Variants in ZNF536 observed in about 807,000 individuals in gnomAD.
ZNF536 encodes zinc finger protein 536.
In ZNF536, 13 loss-of-function variants were observed where a neutral mutation model predicts 84.5. The ratio of observed to expected loss-of-function variants is 0.15; its 90% confidence interval spans 0.10 to 0.24. The LOEUF (loss-of-function observed/expected upper bound fraction) is 0.24. Among genes scored for constraint, ZNF536 ranks in the 10% least tolerant of loss-of-function variants. The pLI is 1.00. For synonymous variants in ZNF536, 811 were observed against 742.5 expected (o/e 1.09, Z -1.50); for missense variants, 1,536 against 1,747.5 (o/e 0.88, Z 2.16).
intron 1 of ZNF536, among the ~76,000 whole-genome samples, chr19:30,406,098 C>T (rs2050252295): frequency 6.6e-6 from 1 of 152,210 alleles, no homozygotes. Context: ...CTTATCAGAC[C>T]TGAAGGATCT....
intron 1 of ZNF536, among the ~76,000 whole-genome samples, chr19:30,679,368 G>A (rs2050878723): frequency 2.0e-5 from 3 of 152,350 alleles, no homozygotes; most frequent in East Asian, 3.9e-4. Flanking sequence ...GAAAGGAGAC[G>A]CGGCAGCTGA....
chr19:30,602,511 T>C (rs567406245), intron 1 of ZNF536, among the ~76,000 whole-genome samples: 2 of 152,326 alleles, frequency 1.3e-5, no homozygotes, highest in South Asian at 4.1e-4. Flanking sequence ...AAGTCATAAC[T>C]GGATGGGTAA....
At chr19:30,261,062 G>A (rs2025183884) in intron 1 of ZNF536, among the ~76,000 whole-genome samples, 1 of 152,096 alleles carries the variant, frequency 6.6e-6, no homozygotes, top group South Asian at 2.1e-4. Flanking sequence ...ACTTTGGGAG[G>A]CCGAGGCGGG....
At chr19:30,478,647 AG>A (rs2053950419) in intron 2 of ZNF536, among the ~76,000 whole-genome samples, 1 of 152,246 alleles carries the variant, frequency 6.6e-6, no homozygotes, top group Admixed American at 6.5e-5. Flanking sequence ...AAACAACAGC[AG>A]AGCACATAGC....
chr19:30,694,519 T>C (rs907008598), intron 1 of ZNF536, among the ~76,000 whole-genome samples: 1 of 152,060 alleles, frequency 6.6e-6, no homozygotes, highest in Non-Finnish European at 1.5e-5. Flanking sequence ...GCCTGGGAAG[T>C]AAATGGGTGC....
chr19:30,595,968 A>G (rs1220350882), intron 1 of ZNF536, among the ~76,000 whole-genome samples: 5 of 152,160 alleles, frequency 3.3e-5, no homozygotes, highest in Non-Finnish European at 5.9e-5. Flanking sequence ...CCCCACTTCT[A>G]TAGGACCCAG....
At chr19:30,234,776 C>CGT (rs1167136680) in intron 1 of ZNF536, among the ~76,000 whole-genome samples, 2 of 151,726 alleles carry the variant, frequency 1.3e-5, no homozygotes, top group African/African-American at 2.4e-5. Context: ...CACACACACG[C>CGT]GCACACGCAC....
chr19:30,320,565 G>A (rs2046820016), intron 2 of ZNF536, among the ~76,000 whole-genome samples: 1 of 152,168 alleles, frequency 6.6e-6, no homozygotes, highest in Non-Finnish European at 1.5e-5. Flanking sequence ...CTGGGGTGGA[G>A]CAGAGGGGCA....
chr19:30,322,364 G>T (rs570832994), intron 2 of ZNF536, among the ~76,000 whole-genome samples: 1 of 151,888 alleles, frequency 6.6e-6, no homozygotes, highest in East Asian at 1.9e-4. Flanking sequence ...CCTCATTTTG[G>T]GTGATTTCCT....
chr19:30,616,530 C>A (rs1446446768), intron 1 of ZNF536, among the ~76,000 whole-genome samples: 1 of 152,082 alleles, frequency 6.6e-6, no homozygotes, highest in Admixed American at 6.6e-5. Flanking sequence ...GCCTGTTATT[C>A]TTTTTAATGT....
intron 1 of ZNF536, among the ~76,000 whole-genome samples, chr19:30,682,253 A>G (rs1159787004): frequency 6.6e-6 from 1 of 152,144 alleles, no homozygotes; most frequent in Non-Finnish European, 1.5e-5. Flanking sequence ...GCCTGTCCTC[A>G]GTAACCCCCA....
intron 1 of ZNF536, among the ~76,000 whole-genome samples, chr19:30,669,496 G>A (rs995101190): frequency 2.6e-5 from 4 of 152,160 alleles, no homozygotes; most frequent in African/African-American, 7.2e-5. Context: ...TGGAGAGTAG[G>A]GGACTGCCAG....
chr19:30,373,205 C>CT (rs1285158292), intron 1 of ZNF536, among the ~76,000 whole-genome samples: 4 of 152,122 alleles, frequency 2.6e-5, no homozygotes, highest in African/African-American at 4.8e-5. Flanking sequence ...TCCCCCCGAC[C>CT]TTTTTTTAAA....
chr19:30,499,629 A>G (rs570901225), intron 2 of ZNF536, among the ~76,000 whole-genome samples: 83 of 152,376 alleles, frequency 5.4e-4, no homozygotes, highest in African/African-American at 1.9e-3. Flanking sequence ...TAGACTTTGC[A>G]TCAAACGTAT....
At chr19:30,512,198 A>C (rs183344737) in intron 2 of ZNF536, among the ~76,000 whole-genome samples, 1 of 152,220 alleles carries the variant, frequency 6.6e-6, no homozygotes, top group Admixed American at 6.5e-5. Flanking sequence ...ATACTGCAAA[A>C]CACAGAATTT....
At chr19:30,383,781 TTTC>T (rs1280377836) in intron 1 of ZNF536, among the ~76,000 whole-genome samples, 2 of 36,996 alleles carry the variant, frequency 5.4e-5, no homozygotes, top group Non-Finnish European at 2.4e-4. Flanking sequence ...CTTTTCTTTC[TTTC>T]TTTCTTTTCT....
intron 2 of ZNF536, among the ~76,000 whole-genome samples, chr19:30,302,491 G>A (rs1321229395): frequency 6.6e-6 from 1 of 152,184 alleles, no homozygotes; most frequent in African/African-American, 2.4e-5. Context: ...AGACCCGGGT[G>A]GTCCTCAGAC....
intron 2 of ZNF536, among the ~76,000 whole-genome samples, chr19:30,318,706 G>A (rs183532419): frequency 1.1e-3 from 175 of 152,312 alleles, no homozygotes; most frequent in Non-Finnish European, 1.3e-3. Context: ...ACATGTGTGC[G>A]CTTGCATGTA....
chr19:30,517,327 A>T (rs2044121363), intron 2 of ZNF536, among the ~76,000 whole-genome samples: 1 of 152,056 alleles, frequency 6.6e-6, no homozygotes, highest in Admixed American at 6.6e-5. Flanking sequence ...GGCCGTTTTT[A>T]GAGGTGGAAA....
Sources: gnomAD v4.1 joint callset for allele counts (sites outside exome capture counted in the v4.1 genomes callset) on GRCh38, gnomAD v4.1.1 for gene constraint, MANE v1.5 for transcripts, NCBI Gene and HGNC (gene_info 2026-07-23, HGNC 2026-07-21) for gene names.